ROBO2: variants seen among roughly 807,000 people sequenced by gnomAD.
ROBO2 encodes the protein roundabout guidance receptor 2.
Under a neutral mutation model 160.8 loss-of-function variants are expected in ROBO2, and 53 were observed. That is an observed-to-expected ratio of 0.33 (90% CI 0.26 to 0.41). ROBO2 has a LOEUF of 0.41. ROBO2 is among the 10% of genes least tolerant of loss of function. The pLI, the probability that ROBO2 is intolerant of heterozygous loss-of-function variation, is 1.00. For synonymous variants in ROBO2, 664 were observed against 611.7 expected (o/e 1.09, Z -1.26); for missense variants, 1,577 against 1,722.4 (o/e 0.92, Z 1.49).
intron 2 of ROBO2, among the ~76,000 whole-genome samples, chr3:76,455,971 C>T (rs996694077): frequency 1.3e-5 from 2 of 152,126 alleles, no homozygotes; most frequent in African/African-American, 4.8e-5. Flanking sequence ...TTCAGCTTGA[C>T]TCTATGAATA....
intron 2 of ROBO2, among the ~76,000 whole-genome samples, chr3:77,339,763 T>TA (rs11465067): frequency 0.039 from 5,831 of 151,148 alleles, 369 homozygotes; most frequent in African/African-American, 0.13. Flanking sequence ...ATATATATTT[T>TA]AAAAAAAAAG....
chr3:76,073,353 G>A (rs1229561182), intron 2 of ROBO2, among the ~76,000 whole-genome samples: 1 of 123,936 alleles, frequency 8.1e-6, no homozygotes. Flanking sequence ...GAGTGCAGGG[G>A]CGCGATCTGG....
At chr3:76,528,658 A>G (rs1302734356) in intron 2 of ROBO2, among the ~76,000 whole-genome samples, 1 of 152,034 alleles carries the variant, frequency 6.6e-6, no homozygotes, top group East Asian at 1.9e-4. Flanking sequence ...GAAATTCTGG[A>G]GTTCAAGAGA....
chr3:77,343,495 TG>T (rs914914684), intron 2 of ROBO2, among the ~76,000 whole-genome samples: 4 of 152,212 alleles, frequency 2.6e-5, no homozygotes, highest in African/African-American at 7.2e-5. Context: ...TAATCGCTCA[TG>T]AACCCACTTA....
intron 2 of ROBO2, among the ~76,000 whole-genome samples, chr3:76,374,275 A>T (rs567716116): frequency 6.6e-6 from 1 of 152,000 alleles, no homozygotes; most frequent in Non-Finnish European, 1.5e-5. Flanking sequence ...GAAATCTGAA[A>T]TCTCCTCTCT....
At chr3:75,980,324 G>T (rs1559801676) in intron 2 of ROBO2, among the ~76,000 whole-genome samples, 1 of 151,504 alleles carries the variant, frequency 6.6e-6, no homozygotes, top group East Asian at 1.9e-4. Context: ...GTCTTTAGGG[G>T]TTCCTGATCC....
chr3:76,459,977 T>A lies in ROBO2; in HGVS notation c.109+522375T>A, dbSNP rs541017220. 4.6e-5 allele frequency among the ~76,000 whole-genome samples: 7 copies of A among 152,148 alleles called. 1 individual carries two copies. The South Asian group carries it at 1.5e-3, about 32-fold the overall frequency. On this transcript the variant is annotated intron_variant, in intron 2 of 26. Transcript: ENST00000487694. ...CCATTTTGTCATCCAAAGAGAAGTA[T>A]ATGAATGTAAGAATATTACTATTAA...
At chr3:76,933,415 T>C (rs1455498196) in intron 2 of ROBO2, among the ~76,000 whole-genome samples, 1 of 152,236 alleles carries the variant, frequency 6.6e-6, no homozygotes, top group Non-Finnish European at 1.5e-5. Context: ...ATTTTAAAAC[T>C]TCCTGACATT....
At chr3:76,707,310 T>C (rs1414449943) in intron 2 of ROBO2, among the ~76,000 whole-genome samples, 1 of 152,102 alleles carries the variant, frequency 6.6e-6, no homozygotes, top group Non-Finnish European at 1.5e-5. Context: ...TACCTGAGAA[T>C]AATAGGTGAT....
intron 2 of ROBO2, among the ~76,000 whole-genome samples, chr3:76,962,466 C>T (rs2079739826): frequency 6.6e-6 from 1 of 151,710 alleles, no homozygotes. Context: ...TGGAGAAAGC[C>T]CGTTTCTACT....
At chr3:76,235,681 G>C (rs376489428) in intron 2 of ROBO2, among the ~76,000 whole-genome samples, 1 of 152,142 alleles carries the variant, frequency 6.6e-6, no homozygotes, top group South Asian at 2.1e-4. Context: ...GTAACTGTAC[G>C]TGTTCATAAC....
intron 2 of ROBO2, among the ~76,000 whole-genome samples, chr3:75,961,996 C>T (rs763475430): frequency 6.6e-6 from 1 of 150,932 alleles, no homozygotes; most frequent in Non-Finnish European, 1.5e-5. Flanking sequence ...ATATTCCAAA[C>T]AATGACCTTG....
At chr3:77,178,820 T>A (rs1467417048) in intron 2 of ROBO2, among the ~76,000 whole-genome samples, 1 of 152,084 alleles carries the variant, frequency 6.6e-6, no homozygotes, top group Non-Finnish European at 1.5e-5. Context: ...ATAGGAAGGC[T>A]ACTATTAGTA....
intron 1 of ROBO2, among the ~76,000 whole-genome samples, chr3:77,090,274 C>T (rs570388967): frequency 6.8e-6 from 1 of 147,236 alleles, no homozygotes; most frequent in African/African-American, 2.5e-5. Flanking sequence ...CGCTTACTGC[C>T]CATCCTGGTG....
Position 77,082,704 on chromosome 3 carries a change from C to A in ROBO2, c.62-15310C>A, listed in dbSNP as rs180688684. 6.1e-5 allele frequency among the ~76,000 whole-genome samples: 9 copies of A among 148,348 alleles called. No individual in the cohort carries two copies. The East Asian group carries it at 1.8e-3, about 29-fold the overall frequency. ...GATTCAAATGCTACATAGTAACATT[C>A]TATATATATATATATACACACACAA... On this transcript the variant is annotated intron_variant, in intron 1 of 25. Coordinates refer to ENST00000461745, the Ensembl canonical transcript of ROBO2.
chr3:76,990,980 G>T (rs757724246), intron 2 of ROBO2, among the ~76,000 whole-genome samples: 1 of 152,144 alleles, frequency 6.6e-6, no homozygotes, highest in Non-Finnish European at 1.5e-5. Flanking sequence ...AGGGTAGCAA[G>T]ACCCCAGAAG....
At chr3:76,946,294 A>G (rs2078534222) in intron 2 of ROBO2, among the ~76,000 whole-genome samples, 2 of 152,090 alleles carry the variant, frequency 1.3e-5, no homozygotes, top group Non-Finnish European at 2.9e-5. Context: ...CCTTTAATCC[A>G]TTTAGGTGGT....
At chr3:76,717,491 CAAAA>C (rs538321640) in intron 2 of ROBO2, among the ~76,000 whole-genome samples, 1 of 73,196 alleles carries the variant, frequency 1.4e-5, no homozygotes, top group African/African-American at 4.8e-5. Context: ...ACCCTGTCTC[CAAAA>C]AAAAAAAAAA....
chr3:77,104,168 T>C (rs1371313804), intron 2 of ROBO2, among the ~76,000 whole-genome samples: 2 of 152,174 alleles, frequency 1.3e-5, no homozygotes, highest in African/African-American at 4.8e-5. Context: ...TAGAACATTT[T>C]CCTCAATCCT....
Sources: allele counts gnomAD v4.1 joint callset (sites outside exome capture counted in the v4.1 genomes callset), GRCh38; gene constraint gnomAD v4.1.1; transcripts MANE v1.5; gene names NCBI Gene and HGNC (gene_info 2026-07-23, HGNC 2026-07-21).